Variants in NUP205 observed in about 807,000 individuals in gnomAD.
NUP205 encodes the protein nuclear pore complex protein Nup205.
Under a neutral mutation model 253.8 loss-of-function variants are expected in NUP205, and 76 were observed. That is an observed-to-expected ratio of 0.30 (90% CI 0.25 to 0.36). NUP205 has a LOEUF of 0.36. NUP205 is among the 10% of genes least tolerant of loss of function. The pLI is 1.00. For missense variants in NUP205, 2,162 were observed against 2,425.5 expected, an observed-to-expected ratio of 0.89 and a Z score of 2.28; for synonymous variants, 832 against 850.1, an observed-to-expected ratio of 0.98 and a Z score of 0.37.
intron 15 of NUP205, among the ~76,000 whole-genome samples, chr7:135,600,335 A>T (rs1035053063): frequency 6.6e-6 from 1 of 152,158 alleles, no homozygotes; most frequent in African/African-American, 2.4e-5. Context: ...CTTTGACTAT[A>T]GTCACGGATG....
rs753066141 is a variant in NUP205, at chr7:135,578,875, G to A, written c.1002G>A (p.Ala334=). ...AAGCCACTGTTAGACTTGCCTGGGCGCTGGCATTGAGGGGAATATCCCAGC... is the reference window on the plus strand; with the variant it reads ...AAGCCACTGTTAGACTTGCCTGGGCACTGGCATTGAGGGGAATATCCCAGC... ...GLQATVRLAW[A]LALRGISQLP... Residue 334 remains alanine, a synonymous_variant, in exon 7 of 43, where the codon GCG becomes GCA. Transcript: ENST00000285968. 2.1e-5 allele frequency: 34 copies of A among 1,609,126 alleles called. No individual in the cohort carries two copies. Among genetic ancestry groups the A allele is most frequent in the Admixed American group, 5.1e-5 (3 of 58,498 alleles).
rs546180917 is a variant in NUP205, at chr7:135,570,761, T to A, written c.29-344T>A. 2.3e-4 allele frequency among the ~76,000 whole-genome samples: 21 copies of A among 89,800 alleles called. 1 individual carries two copies. Among genetic ancestry groups the A allele is most frequent in the African/African-American group, 7.5e-4 (17 of 22,666 alleles). The allele number at this position is 89,800 out of a possible 152,430, so 58.9% of individuals were successfully genotyped here. A position where few individuals can be genotyped will look rare whatever the true frequency, so the allele number is the denominator to read the frequency against. ...TATTAATATATTAATTATATTTATA[T>A]ATTATATTAATATATATTAATTATA... On this transcript the variant is annotated intron_variant, in intron 1 of 42. Coordinates refer to ENST00000285968, the MANE Select transcript of NUP205 (RefSeq NM_015135.3).
intron 15 of NUP205, 115 bp from the exon 16 acceptor site, chr7:135,600,755 T>C: frequency 1.9e-6 from 1 of 539,684 alleles, no homozygotes; most frequent in East Asian, 3.0e-5. Context: ...GTGAATAAAG[T>C]GGACAAGAAA....
intron 5 of NUP205, 68 bp downstream of exon 5, chr7:135,577,196 G>A: frequency 7.0e-7 from 1 of 1,433,540 alleles, no homozygotes; most frequent in Non-Finnish European, 9.5e-7. Context: ...ATGACAATTA[G>A]AATGTTCATT....
intron 12 of NUP205, among the ~76,000 whole-genome samples, chr7:135,593,579 C>T (rs569942428): frequency 6.6e-6 from 1 of 152,162 alleles, no homozygotes; most frequent in East Asian, 1.9e-4. Context: ...TTTTTCTCTC[C>T]TTATACCAAA....
intron 3 of NUP205, among the ~76,000 whole-genome samples, chr7:135,575,727 A>G (rs1266024168): frequency 3.9e-5 from 6 of 152,156 alleles, no homozygotes; most frequent in Non-Finnish European, 8.8e-5. Flanking sequence ...CCTAGGCGGC[A>G]GAGGTTGCAG....
intron 35 of NUP205, chr7:135,635,283 T>A (rs1197322087): frequency 5.2e-6 from 1 of 190,968 alleles, no homozygotes; most frequent in African/African-American, 2.3e-5. Context: ...AGAAAGTAAT[T>A]TAGAAAATTA....
intron 10 of NUP205, among the ~76,000 whole-genome samples, chr7:135,589,172 TAA>T (rs746919932): frequency 3.6e-5 from 5 of 139,984 alleles, no homozygotes; most frequent in Non-Finnish European, 4.7e-5. Context: ...CCTGACTCTT[TAA>T]AAAAAAAAAA....
At position 135,648,603 on chromosome 7, in the gene NUP205, T is replaced by C. The variant is rs2129492791; in HGVS notation, c.*47T>C. ...TATGAGAGAGATGAATTGGGGAGAATTGTCTCCATTTTATAGATTAGTTTC... is the reference window on the plus strand; with the variant it reads ...TATGAGAGAGATGAATTGGGGAGAACTGTCTCCATTTTATAGATTAGTTTC... On this transcript the variant is annotated 3_prime_UTR_variant, in exon 43 of 43. Transcript: ENST00000285968. 7.3e-7 allele frequency: 1 copy of C among 1,363,552 alleles called. No homozygotes were observed. The highest frequency in any genetic ancestry group is 1.5e-5 in the African/African-American group (1 of 66,532). 84.5% of individuals were successfully genotyped at this position (1,363,552 alleles called of 1,614,324 possible).
chr7:135,591,884 CA>C (rs1411652829), intron 11 of NUP205, among the ~76,000 whole-genome samples: 1 of 151,862 alleles, frequency 6.6e-6, no homozygotes, highest in East Asian at 1.9e-4. Context: ...ATCTGGTCCA[CA>C]AAAAAAGCAT....
chr7:135,567,393 G>A (rs1416451877), intron 1 of NUP205, among the ~76,000 whole-genome samples: 6 of 128,924 alleles, frequency 4.7e-5, no homozygotes, highest in Non-Finnish European at 9.4e-5. Context: ...TCTGAGACAA[G>A]CCTGGACAAC....
At position 135,634,828 on chromosome 7, in the gene NUP205, A is replaced by G. The variant is rs560321646; in HGVS notation, c.5060-753A>G. 6.3e-4 allele frequency among the ~76,000 whole-genome samples: 96 copies of G among 152,286 alleles called. No individual in the cohort carries two copies. In the South Asian group the frequency reaches 0.019, roughly 31 times the overall value. On this transcript the variant is annotated intron_variant, in intron 35 of 42. Transcript: ENST00000285968. Reference sequence around the variant, plus strand: ...TTGAGGGCTGAGCTAATCTAAAAAGAGGAGGACTTGTCATTATGAGGAGAG... The same window carrying G: ...TTGAGGGCTGAGCTAATCTAAAAAGGGGAGGACTTGTCATTATGAGGAGAG...
At chr7:135,573,916 C>A in intron 3 of NUP205, 91 bp downstream of exon 3, 3 of 1,018,218 alleles carry the variant, frequency 2.9e-6, no homozygotes, top group Admixed American at 2.5e-5. Context: ...TAGATTCTAT[C>A]ATAGTTTCTA....
intron 36 of NUP205, among the ~76,000 whole-genome samples, chr7:135,637,190 C>A (rs1456861785): frequency 6.6e-6 from 1 of 152,180 alleles, no homozygotes; most frequent in Non-Finnish European, 1.5e-5. Context: ...GGAATCCTGA[C>A]AGCCATCTTA....
At chr7:135,624,263 A>G (rs138040569) in intron 31 of NUP205, among the ~76,000 whole-genome samples, 5,185 of 150,940 alleles carry the variant, frequency 0.034, 116 homozygotes, top group Middle Eastern at 0.1. Flanking sequence ...GTGCAGTGGC[A>G]TGATCTCGGC....
At chr7:135,582,644 T>C (rs946985627) in intron 7 of NUP205, among the ~76,000 whole-genome samples, 1 of 152,138 alleles carries the variant, frequency 6.6e-6, no homozygotes, top group Non-Finnish European at 1.5e-5. Flanking sequence ...TTTGATTTTT[T>C]TGTAGAGATG....
At chr7:135,564,333 G>C (rs942662511) in intron 1 of NUP205, among the ~76,000 whole-genome samples, 3 of 147,678 alleles carry the variant, frequency 2.0e-5, no homozygotes, top group Non-Finnish European at 4.4e-5. Flanking sequence ...TGCAACCTCT[G>C]CCTCCTGGGT....
intron 21 of NUP205, 73 bp from the exon 22 acceptor site, chr7:135,607,174 T>C: frequency 6.4e-7 from 1 of 1,561,940 alleles, no homozygotes; most frequent in Non-Finnish European, 8.7e-7. Context: ...AATTTAACTT[T>C]TGAAAAGGCA....
intron 13 of NUP205, among the ~76,000 whole-genome samples, 157 bp downstream of exon 13, chr7:135,594,886 A>G (rs534094006): frequency 1.3e-5 from 2 of 152,202 alleles, no homozygotes; most frequent in Non-Finnish European, 2.9e-5. Context: ...ATAGAAACTA[A>G]TAGGCTTGGG....
Sources: gnomAD v4.1 joint callset for allele counts (sites outside exome capture counted in the v4.1 genomes callset) on GRCh38, gnomAD v4.1.1 for gene constraint, MANE v1.5 for transcripts, NCBI Gene and HGNC (gene_info 2026-07-23, HGNC 2026-07-21) for gene names.